Variants in RPS6KA1 observed in about 807,000 individuals in gnomAD.
RPS6KA1 encodes the protein ribosomal protein S6 kinase A1.
A neutral mutation model predicts 91.3 loss-of-function variants in RPS6KA1; 48 were observed. The observed-to-expected ratio is 0.53, with a 90% CI of 0.42 to 0.67. The LOEUF (loss-of-function observed/expected upper bound fraction) is 0.67. Ranked by LOEUF, RPS6KA1 falls within the 30% of genes least tolerant of loss-of-function variation. The probability of loss-of-function intolerance (pLI) is 0.00; values close to 1 mark genes in which losing one functional copy is unlikely to be tolerated. For missense variants in RPS6KA1, 719 were observed against 960.5 expected, an observed-to-expected ratio of 0.75 and a Z score of 3.32; for synonymous variants, 359 against 384.7, an observed-to-expected ratio of 0.93 and a Z score of 0.78.
chr1:26,538,278 A>C (rs2075921047), intron 2 of RPS6KA1, among the ~76,000 whole-genome samples: 1 of 152,218 alleles, frequency 6.6e-6, no homozygotes, highest in African/African-American at 2.4e-5. Context: ...AACAAAATGA[A>C]GAACTGTAGG....
intron 13 of RPS6KA1, among the ~76,000 whole-genome samples, chr1:26,557,925 T>C (rs12726439): frequency 0.31 from 47,034 of 150,724 alleles, 7,979 homozygotes; most frequent in East Asian, 0.76. Context: ...ACCTCCTGGG[T>C]TCAAGAGATT....
chr1:26,560,607 C>A, intron 14 of RPS6KA1, 119 bp from the exon 15 acceptor site: 1 of 1,311,392 alleles, frequency 7.6e-7, no homozygotes, highest in South Asian at 1.4e-5. Flanking sequence ...CAACACTCTA[C>A]CCCAAGTCTC....
At chr1:26,537,473 G>A (rs1260454135) in intron 2 of RPS6KA1, among the ~76,000 whole-genome samples, 1 of 152,194 alleles carries the variant, frequency 6.6e-6, no homozygotes, top group Non-Finnish European at 1.5e-5. Flanking sequence ...CAGTGTGAGG[G>A]TCATTCCCTC....
At chr1:26,531,707 G>C (rs2075868797) in intron 1 of RPS6KA1, among the ~76,000 whole-genome samples, 1 of 152,314 alleles carries the variant, frequency 6.6e-6, no homozygotes, top group East Asian at 1.9e-4. Flanking sequence ...CTCCAGAAAC[G>C]ATGTGTGATC....
chr1:26,559,075 A>G (rs1452640494), intron 14 of RPS6KA1, 138 bp downstream of exon 14: 1 of 1,002,808 alleles, frequency 1.0e-6, no homozygotes, highest in African/African-American at 1.6e-5. Flanking sequence ...TAAAACAGGG[A>G]CAGTAAGGCC....
chr1:26,535,468 C>T (rs1240164115), intron 1 of RPS6KA1, among the ~76,000 whole-genome samples: 1 of 152,094 alleles, frequency 6.6e-6, no homozygotes, highest in Non-Finnish European at 1.5e-5. Flanking sequence ...TGGGAACCTC[C>T]TGTCTGCCTC....
chr1:26,536,356 G>A (rs140594422), intron 1 of RPS6KA1, among the ~76,000 whole-genome samples: 20 of 152,314 alleles, frequency 1.3e-4, no homozygotes, highest in African/African-American at 4.8e-4. Flanking sequence ...AATGAAGGCT[G>A]AAGTGGAGGC....
intron 1 of RPS6KA1, among the ~76,000 whole-genome samples, chr1:26,533,820 C>T (rs920999457): frequency 2.6e-5 from 4 of 152,168 alleles, no homozygotes; most frequent in Non-Finnish European, 4.4e-5. Flanking sequence ...TGTGTTCTTT[C>T]AAGGATTGCT....
intron 7 of RPS6KA1, 162 bp downstream of exon 7, chr1:26,553,659 A>G (rs965195584): frequency 2.2e-6 from 1 of 464,484 alleles, no homozygotes; most frequent in Non-Finnish European, 4.0e-6. Flanking sequence ...CCAGCTGCCC[A>G]GTCACTAATG....
At position 26,560,729 on chromosome 1, in the gene RPS6KA1, C is replaced by G; in HGVS notation, c.1219C>G (p.Leu407Val). The G allele has an allele frequency of 1.2e-6, 2 of 1,614,188 alleles. No homozygotes were observed. The highest frequency in any genetic ancestry group is 1.7e-6 in the Non-Finnish European group (2 of 1,180,022). The stretch of plus-strand genomic sequence containing the variant: ...CACAATTTTTGGTCTCCTACAGCAA[C>G]TCCATGGGAAGAACCTGGTTTTTAG... ...QAPLHSVVQQ[L>V]HGKNLVFSDG... The change falls in exon 15 of 22, where the codon CTC becomes GTC. Residue 407 changes from leucine to valine, a missense_variant. Leu to Val is a conservative substitution (Grantham distance 32). Coordinates refer to ENST00000374168, the MANE Select transcript of RPS6KA1 (RefSeq NM_002953.4).
intron 17 of RPS6KA1, among the ~76,000 whole-genome samples, chr1:26,563,003 A>G (rs1439463082): frequency 6.6e-6 from 1 of 150,920 alleles, no homozygotes; most frequent in East Asian, 2.0e-4. Context: ...TGCCTGGCTA[A>G]TTTTTTTGTA....
chr1:26,565,922 C>T (rs191391056), intron 17 of RPS6KA1, among the ~76,000 whole-genome samples: 100 of 152,290 alleles, frequency 6.6e-4, no homozygotes, highest in Middle Eastern at 3.4e-3. Flanking sequence ...TGAGATCCAT[C>T]CACATTGTTT....
Position 26,556,765 on chromosome 1 carries a change from CT to C in RPS6KA1, c.981+49del, listed in dbSNP as rs753395547. 1.9e-5 allele frequency: 31 copies of C among 1,606,172 alleles called. 1 individual carries two copies. The South Asian group carries it at 3.2e-4, about 17-fold the overall frequency. ...AGGGCTCTGGCCAGGGCTCAGCCAT[CT>C]TGGCCACAGGAAGGGTGGTGGGAGG... On this transcript the variant is annotated intron_variant, in intron 12 of 21. Coordinates refer to ENST00000374168, the MANE Select transcript of RPS6KA1 (RefSeq NM_002953.4).
chr1:26,563,292 T>C (rs1362176716), intron 17 of RPS6KA1, among the ~76,000 whole-genome samples: 1 of 152,114 alleles, frequency 6.6e-6, no homozygotes, highest in Non-Finnish European at 1.5e-5. Flanking sequence ...AGTGACACAA[T>C]TGCAGTTCAC....
chr1:26,537,067 C>G (rs540592044), intron 2 of RPS6KA1, 98 bp downstream of exon 2: 233 of 1,292,650 alleles, frequency 1.8e-4, no homozygotes, highest in Non-Finnish European at 2.6e-4. Flanking sequence ...AGCCCCTTTG[C>G]CCAACTCAGC....
intron 4 of RPS6KA1, among the ~76,000 whole-genome samples, chr1:26,549,972 C>T (rs182616746): frequency 2.0e-4 from 30 of 152,104 alleles, no homozygotes; most frequent in Non-Finnish European, 3.5e-4. Flanking sequence ...CTCTGCCTCC[C>T]GGGTTCAAGT....
rs1227169309 is a variant in RPS6KA1, at chr1:26,574,398, G to T, written c.*197G>T. Reference sequence around the variant, plus strand: ...CCAGGATGGACTCTTCTCGGCTCAGGCTCTGCTGGTGGAAAGCGATTCACT... The same window carrying T: ...CCAGGATGGACTCTTCTCGGCTCAGTCTCTGCTGGTGGAAAGCGATTCACT... On this transcript the variant is annotated 3_prime_UTR_variant, in exon 22 of 22. Transcript: ENST00000374168. The surrounding 1 kb of genome is among the most constrained non-coding windows in gnomAD (Gnocchi z 4.3). The T allele has an allele frequency of 2.5e-6, 2 of 791,800 alleles. No individual in the cohort carries two copies. Among genetic ancestry groups the T allele is most frequent in the Non-Finnish European group, 2.3e-6 (1 of 432,716 alleles). The allele number at this position is 791,800 out of a possible 1,614,324, so 49.0% of individuals were successfully genotyped here.
chr1:26,547,310 C>A lies in RPS6KA1; in HGVS notation c.307+40C>A. ...CTCCCTGTGCAGAACCCAGGCTTGGCTGAGGGAGGCAGCCCAGACTTCAAG... is the reference window on the plus strand; with the variant it reads ...CTCCCTGTGCAGAACCCAGGCTTGGATGAGGGAGGCAGCCCAGACTTCAAG... On this transcript the variant is annotated intron_variant, in intron 4 of 21. Transcript: ENST00000374168. The surrounding 1 kb of genome is among the most constrained non-coding windows in gnomAD (Gnocchi z 4.1). The A allele has an allele frequency of 3.2e-6, 5 of 1,571,070 alleles. No homozygotes were observed. The highest frequency in any genetic ancestry group is 4.4e-6 in the Non-Finnish European group (5 of 1,146,782).
chr1:26,568,959 G>T (rs933547189), intron 17 of RPS6KA1, among the ~76,000 whole-genome samples: 79 of 152,108 alleles, frequency 5.2e-4, no homozygotes, highest in African/African-American at 1.8e-3. Context: ...ACTTTGGGAG[G>T]CCAAGGTGGG....
Sources: allele counts gnomAD v4.1 joint callset (sites outside exome capture counted in the v4.1 genomes callset), GRCh38; gene constraint gnomAD v4.1.1; non-coding constraint Gnocchi (gnomAD v3.1); transcripts MANE v1.5; gene names NCBI Gene and HGNC (gene_info 2026-07-23, HGNC 2026-07-21).